Variants in CMTM1 observed in about 807,000 individuals in gnomAD.
CMTM1 encodes CKLF like MARVEL transmembrane domain containing 1, also known as CKLF-like MARVEL transmembrane domain-containing protein 1.
Under a neutral mutation model 17.8 loss-of-function variants are expected in CMTM1, and 16 were observed. The ratio of observed to expected loss-of-function variants is 0.90; its 90% CI spans 0.61 to 1.37. The LOEUF is 1.37. Among genes scored for constraint, CMTM1 ranks in the 40% most tolerant of loss-of-function variants. CMTM1 has a pLI of 0.00. For synonymous variants in CMTM1, 169 were observed against 154.6 expected (o/e 1.09, Z -0.69); for missense variants, 354 against 375.6 (o/e 0.94, Z 0.47).
At chr16:66,571,135 A>G in intron 2 of CMTM1, 1 of 457,374 alleles carries the variant, frequency 2.2e-6, no homozygotes, top group South Asian at 1.5e-5. Context: ...TCTGTCCCAC[A>G]GAATGCCGAG....
chr16:66,567,135 C>A, intron 1 of CMTM1, 190 bp downstream of exon 1: 3 of 649,198 alleles, frequency 4.6e-6, no homozygotes, highest in Non-Finnish European at 5.4e-6. Context: ...AAACTTGCCT[C>A]TTTTTTTCCC....
intron 2 of CMTM1, chr16:66,575,403 A>C (rs1422327550): frequency 1.1e-5 from 2 of 185,940 alleles, no homozygotes; most frequent in Non-Finnish European, 2.0e-5. Flanking sequence ...AATACGCCCA[A>C]TCTAGGAATT....
At chr16:66,578,573 C>G (rs1179572991) in intron 3 of CMTM1, among the ~76,000 whole-genome samples, 3 of 152,184 alleles carry the variant, frequency 2.0e-5, no homozygotes, top group African/African-American at 7.2e-5. Flanking sequence ...CTTCCCTAGT[C>G]CTTTCCGGGT....
rs1386414851 is a variant in CMTM1 at position 66,579,032 on chromosome 16, G to A, written c.*31G>A. 1 of 1,606,666 alleles carries A rather than the reference G, an allele frequency of 6.2e-7. No homozygotes were observed. Among genetic ancestry groups the A allele is most frequent in the African/African-American group, 1.3e-5 (1 of 74,912 alleles). On this transcript the variant is annotated 3_prime_UTR_variant, in exon 4 of 4. Coordinates refer to ENST00000379500, the MANE Select transcript of CMTM1 (RefSeq NM_052999.4). The surrounding 1 kb of genome is among the most constrained non-coding windows in gnomAD (Gnocchi z 6.5). ...GCCCGGCGCCCTAGCAGATGCACGT[G>A]TCTGTCGAATCGCTGCCTCCGAGCC...
At chr16:66,567,154 CTTTTTTT>C (rs58132277) in intron 1 of CMTM1, 3 of 556,550 alleles carry the variant, frequency 5.4e-6, no homozygotes, top group African/African-American at 4.9e-5. Flanking sequence ...CCTATTTTTT[CTTTTTTT>C]TTTTTTTTTA....
At chr16:66,574,970 T>C (rs2014049202) in intron 2 of CMTM1, 1 of 985,474 alleles carries the variant, frequency 1.0e-6, no homozygotes, top group African/African-American at 1.7e-5. Flanking sequence ...TGCAAACCAC[T>C]GTACCTGCCT....
rs747445697 is a variant in CMTM1 at position 66,579,017 on chromosome 16, C to T, written c.*16C>T. 1 of 1,610,636 alleles carries T rather than the reference C, an allele frequency of 6.2e-7. No homozygotes were observed. Among genetic ancestry groups the T allele is most frequent in the Non-Finnish European group, 8.5e-7 (1 of 1,178,960 alleles). On this transcript the variant is annotated 3_prime_UTR_variant, in exon 4 of 4. Transcript: ENST00000379500. The surrounding 1 kb of genome is among the most constrained non-coding windows in gnomAD (Gnocchi z 6.5). ...GCCCGCCTGAAGCCAGCCCGGCGCC[C>T]TAGCAGATGCACGTGTCTGTCGAAT...
rs1201867591 is a variant in CMTM1 at position 66,566,938 on chromosome 16, T to C, written c.425T>C (p.Leu142Pro). ...SFSPTGMLKI[L>P]RLSLILGALA... is the part of the protein sequence containing the mutation. ...TCGCCCACTGGAATGTTGAAGATCC[T>C]GAGACTGGTGAGCGGAGAGCTGGTG... is the stretch of plus-strand genomic sequence containing the variant. Residue 142 changes from leucine to proline, a missense_variant, in exon 1 of 4, where the codon CTG becomes CCG. Leu to Pro is a moderately conservative substitution (Grantham distance 98). Transcript: ENST00000379500. This position sits in a 1 kb window ranked among gnomAD's most constrained non-coding sequence, Gnocchi z 4.9. 1.2e-6 allele frequency: 2 copies of C among 1,614,156 alleles called. No homozygotes were observed. Among genetic ancestry groups the C allele is most frequent in the East Asian group, 4.5e-5 (2 of 44,868 alleles).
chr16:66,566,918 C>G lies in CMTM1; in HGVS notation c.405C>G (p.Pro135=). The G allele has an allele frequency of 6.2e-7, 1 of 1,614,134 alleles. No individual in the cohort carries two copies. Among genetic ancestry groups the G allele is most frequent in the Non-Finnish European group, 8.5e-7 (1 of 1,180,028 alleles). The change falls in exon 1 of 4, where the codon CCC becomes CCG. Residue 135 remains proline (P), a synonymous_variant. Transcript: ENST00000379500. The surrounding 1 kb of genome is among the most constrained non-coding windows in gnomAD (Gnocchi z 4.9). ...GCCTCAAACGTTTCTCCTTCTCGCCCACTGGAATGTTGAAGATCCTGAGAC... is the reference window on the plus strand; with the variant it reads ...GCCTCAAACGTTTCTCCTTCTCGCCGACTGGAATGTTGAAGATCCTGAGAC... ...RDSLKRFSFS[P]TGMLKILRLS...
intron 3 of CMTM1, among the ~76,000 whole-genome samples, chr16:66,578,376 C>G (rs753560988): frequency 3.9e-5 from 6 of 152,186 alleles, no homozygotes; most frequent in Non-Finnish European, 7.3e-5. Flanking sequence ...TCAACTCTGC[C>G]CCCTTCTCAG....
intron 1 of CMTM1, chr16:66,567,192 T>A: frequency 1.7e-6 from 1 of 589,490 alleles, no homozygotes; most frequent in Admixed American, 3.0e-5. Context: ...ACTTACGGGG[T>A]ACATGTGTAG....
rs1246544970 is a variant in CMTM1, at chr16:66,577,147, T to A, written c.635T>A (p.Val212Asp). Reference protein sequence around the residue: ...SIITAVFLSVVAILAMQEKKR... With the variant: ...SIITAVFLSVDAILAMQEKKR... ...ATTACAGCTGTGTTCCTTTCAGTAG[T>A]TGCCATCTTGGCCATGCAAGAAAAG... The change falls in exon 3 of 4, where the codon GTT (valine) becomes GAT (aspartate). Residue 212 changes from valine to aspartate, a missense_variant. Physicochemically the swap from Val to Asp is radical, Grantham distance 152. Transcript: ENST00000379500. 1 of 1,614,138 alleles carries A rather than the reference T, an allele frequency of 6.2e-7. No homozygotes were observed. The highest frequency in any genetic ancestry group is 1.3e-5 in the African/African-American group (1 of 75,074).
chr16:66,577,077 T>A (rs2014339530), intron 2 of CMTM1, 27 bp from the exon 3 acceptor site: 1 of 1,587,844 alleles, frequency 6.3e-7, no homozygotes, highest in African/African-American at 1.3e-5. Context: ...TTGTGTAAAC[T>A]TGATAATTTT....
rs781528376 is a variant in CMTM1, at chr16:66,570,026, G to A, written c.523G>A (p.Val175Ile). 9.3e-6 allele frequency: 15 copies of A among 1,610,856 alleles called. No homozygotes were observed. In the East Asian group the frequency reaches 1.6e-4, roughly 17 times the overall value. Residue 175 changes from valine (V) to isoleucine (I), a missense_variant, in exon 2 of 4, where the codon GTT becomes ATT. By Grantham distance (29) the Val-to-Ile change is conservative (BLOSUM62 3). Coordinates refer to ENST00000379500, the MANE Select transcript of CMTM1 (RefSeq NM_052999.4). Reference sequence around the variant, plus strand: ...CACAAGTCTGGAAATCTGCATTGTCGTTTTTTTTATTCTAATATATGTGCT... The same window carrying A: ...CACAAGTCTGGAAATCTGCATTGTCATTTTTTTTATTCTAATATATGTGCT... ...TITSLEICIV[V>I]FFILIYVLTL...
At chr16:66,576,997 G>A in intron 2 of CMTM1, 107 bp from the exon 3 acceptor site, 1 of 920,644 alleles carries the variant, frequency 1.1e-6, no homozygotes, top group Non-Finnish European at 1.6e-6. Context: ...TAATCAAATG[G>A]AAGGTTTTTT....
chr16:66,578,863 C>T lies in CMTM1; in HGVS notation c.723C>T (p.Cys241=). 1 of 1,614,202 alleles carries T rather than the reference C, an allele frequency of 6.2e-7. No homozygotes were observed. Among genetic ancestry groups the T allele is most frequent in the African/African-American group, 1.3e-5 (1 of 75,062 alleles). Residue 241 remains cysteine (C), a synonymous_variant, in exon 4 of 4, where the codon TGC becomes TGT. Coordinates refer to ENST00000379500, the MANE Select transcript of CMTM1 (RefSeq NM_052999.4). The stretch of plus-strand genomic sequence containing the variant: ...GTCTCACAGCGGTAATCGTGTGTTG[C>T]ATCGATGCGTTTGTGGTCACCACGA... ...SLCLTAVIVC[C]IDAFVVTTKM...
At chr16:66,576,477 C>T (rs1343562414) in intron 2 of CMTM1, among the ~76,000 whole-genome samples, 1 of 151,818 alleles carries the variant, frequency 6.6e-6, no homozygotes, top group Non-Finnish European at 1.5e-5. Flanking sequence ...GATGTCGGGG[C>T]ACACCCAATT....
intron 2 of CMTM1, among the ~76,000 whole-genome samples, chr16:66,572,998 G>T (rs11867053): frequency 0.27 from 40,895 of 151,900 alleles, 8,629 homozygotes; most frequent in African/African-American, 0.58. Flanking sequence ...TGTCAAGGCC[G>T]CCTCCTCTGG....
At chr16:66,567,147 A>AT (rs138310333) in intron 1 of CMTM1, 28,623 of 562,572 alleles carry the variant, frequency 0.051, 1,294 homozygotes, top group Admixed American at 0.14. Flanking sequence ...TTTTTTCCCT[A>AT]TTTTTTCTTT....
Sources: allele counts gnomAD v4.1 joint callset (sites outside exome capture counted in the v4.1 genomes callset), GRCh38; gene constraint gnomAD v4.1.1; non-coding constraint Gnocchi (gnomAD v3.1); transcripts MANE v1.5; gene names NCBI Gene and HGNC (gene_info 2026-07-23, HGNC 2026-07-21).